Variants in OPCML observed in about 807,000 individuals in gnomAD.
The protein encoded by OPCML is opioid binding protein/cell adhesion molecule like.
OPCML carries 13 observed loss-of-function variants against 37.8 expected under a neutral mutation model. That is an observed-to-expected ratio of 0.34 (90% CI 0.22 to 0.55). The LOEUF (loss-of-function observed/expected upper bound fraction) is 0.55, where lower values mean the gene tolerates loss of function less well. Ranked by LOEUF, OPCML falls within the 20% of genes least tolerant of loss-of-function variation. OPCML has a pLI of 0.91. For missense variants in OPCML, 341 were observed against 435.6 expected (o/e 0.78, Z 1.93); for synonymous variants, 176 against 168.8 (o/e 1.04, Z -0.33).
intron 1 of OPCML, among the ~76,000 whole-genome samples, chr11:133,352,985 A>C (rs1944175691): frequency 6.6e-6 from 1 of 152,234 alleles, no homozygotes; most frequent in African/African-American, 2.4e-5. Flanking sequence ...GTAATTGCAA[A>C]GTCTCTAACA....
At chr11:132,848,067 G>A (rs1941632922) in intron 2 of OPCML, among the ~76,000 whole-genome samples, 2 of 152,172 alleles carry the variant, frequency 1.3e-5, no homozygotes, top group African/African-American at 4.8e-5. Flanking sequence ...GAAGAAAAAT[G>A]ATATAAGCAT....
At chr11:133,111,661 G>C (rs1565453045) in intron 1 of OPCML, among the ~76,000 whole-genome samples, 1 of 152,316 alleles carries the variant, frequency 6.6e-6, no homozygotes, top group Admixed American at 6.5e-5. Context: ...AACTGCCTAG[G>C]AAAACAATGA....
At chr11:132,804,146 G>T (rs552021036) in intron 2 of OPCML, among the ~76,000 whole-genome samples, 1 of 152,116 alleles carries the variant, frequency 6.6e-6, no homozygotes, top group Non-Finnish European at 1.5e-5. Context: ...CCCACAGTTC[G>T]CCAGGTTTCT....
intron 3 of OPCML, among the ~76,000 whole-genome samples, chr11:132,606,057 A>G (rs1189084100): frequency 6.6e-6 from 1 of 152,128 alleles, no homozygotes; most frequent in Non-Finnish European, 1.5e-5. Context: ...TCTTCCTTCC[A>G]AGTGTCCTCA....
intron 4 of OPCML, among the ~76,000 whole-genome samples, chr11:132,457,926 G>A (rs948208): frequency 0.11 from 17,207 of 152,274 alleles, 1,762 homozygotes; most frequent in East Asian, 0.48. Flanking sequence ...AAAAGGACAG[G>A]CAAAGTGTCT....
chr11:132,725,984 T>C (rs1330811880), intron 2 of OPCML, among the ~76,000 whole-genome samples: 1 of 152,182 alleles, frequency 6.6e-6, no homozygotes, highest in Non-Finnish European at 1.5e-5. Context: ...TTATTGTCCA[T>C]ATTGCTATCA....
chr11:132,491,529 C>T (rs993138296), intron 4 of OPCML, among the ~76,000 whole-genome samples: 6 of 152,374 alleles, frequency 3.9e-5, no homozygotes, highest in African/African-American at 7.2e-5. Context: ...AATAACCCTT[C>T]CCCAGAGGGG....
At chr11:132,985,242 A>G (rs1565382354) in intron 1 of OPCML, among the ~76,000 whole-genome samples, 1 of 152,124 alleles carries the variant, frequency 6.6e-6, no homozygotes, top group Non-Finnish European at 1.5e-5. Context: ...AAGGCACTCT[A>G]CTCAGGACAT....
chr11:132,595,603 A>T (rs560840085), intron 3 of OPCML, among the ~76,000 whole-genome samples: 1 of 152,324 alleles, frequency 6.6e-6, no homozygotes, highest in South Asian at 2.1e-4. Flanking sequence ...GAGATGGGGC[A>T]TGTGTTGATT....
chr11:133,274,864 C>T (rs905924534), intron 1 of OPCML, among the ~76,000 whole-genome samples: 4 of 152,182 alleles, frequency 2.6e-5, no homozygotes, highest in Admixed American at 1.3e-4. Context: ...GAGAGATAAA[C>T]GCAAAGTACA....
At chr11:132,569,439 A>G (rs957871939) in intron 3 of OPCML, among the ~76,000 whole-genome samples, 2 of 152,218 alleles carry the variant, frequency 1.3e-5, no homozygotes, top group African/African-American at 4.8e-5. Flanking sequence ...ATTCTCTGGC[A>G]GGCCTAGACA....
intron 1 of OPCML, among the ~76,000 whole-genome samples, chr11:132,973,137 A>G (rs1946379408): frequency 6.6e-6 from 1 of 152,150 alleles, no homozygotes; most frequent in African/African-American, 2.4e-5. Context: ...CTCCTCATCA[A>G]TGAGGTCTCT....
At chr11:132,516,998 A>G (rs1354517162) in intron 4 of OPCML, among the ~76,000 whole-genome samples, 2 of 152,104 alleles carry the variant, frequency 1.3e-5, no homozygotes, top group Non-Finnish European at 2.9e-5. Context: ...CAATGACTCC[A>G]GGCCGCCACC....
intron 1 of OPCML, among the ~76,000 whole-genome samples, chr11:133,271,871 C>A (rs995560877): frequency 6.6e-6 from 1 of 152,176 alleles, no homozygotes; most frequent in African/African-American, 2.4e-5. Context: ...ATGCACTCGG[C>A]AGGATGCTCA....
At chr11:132,880,840 C>G (rs1204502798) in intron 2 of OPCML, among the ~76,000 whole-genome samples, 7 of 152,192 alleles carry the variant, frequency 4.6e-5, no homozygotes, top group Non-Finnish European at 1.0e-4. Context: ...TAATTTGAAA[C>G]TGATCCCCAC....
At chr11:133,025,021 A>G (rs546089926) in intron 1 of OPCML, 1 of 984,296 alleles carries the variant, frequency 1.0e-6, no homozygotes, top group East Asian at 1.1e-4. Flanking sequence ...TCCTCAAACT[A>G]TGCCTTAAGA....
At chr11:132,731,448 A>G (rs1168058714) in intron 2 of OPCML, among the ~76,000 whole-genome samples, 2 of 152,220 alleles carry the variant, frequency 1.3e-5, no homozygotes, top group Non-Finnish European at 2.9e-5. Flanking sequence ...GAAATGTGCC[A>G]CAGTGTATTG....
intron 3 of OPCML, among the ~76,000 whole-genome samples, chr11:132,543,768 T>G (rs2096362707): frequency 6.6e-6 from 1 of 152,130 alleles, no homozygotes. Context: ...CGCCACGTTT[T>G]TTCCCCCACT....
intron 3 of OPCML, among the ~76,000 whole-genome samples, chr11:132,606,575 ACTTT>A (rs548724550): frequency 7.8e-4 from 119 of 152,104 alleles, no homozygotes; most frequent in African/African-American, 2.7e-3. Flanking sequence ...TCCCACCTCC[ACTTT>A]CTGTCTCTAC....
Sources: allele counts gnomAD v4.1 joint callset (sites outside exome capture counted in the v4.1 genomes callset), GRCh38; gene constraint gnomAD v4.1.1; transcripts MANE v1.5; gene names NCBI Gene and HGNC (gene_info 2026-07-23, HGNC 2026-07-21).